Variants in KCNH1 observed in about 807,000 individuals in gnomAD.
KCNH1 encodes voltage-gated delayed rectifier potassium channel KCNH1.
In KCNH1, 27 loss-of-function variants were observed where a neutral mutation model predicts 69.2. The observed-to-expected ratio is 0.39, with a 90% CI of 0.29 to 0.54. The LOEUF is 0.54. Among genes scored for constraint, KCNH1 ranks in the 20% least tolerant of loss-of-function variants. The probability of loss-of-function intolerance (pLI) is 0.68; values close to 1 mark genes in which losing one functional copy is unlikely to be tolerated. For synonymous variants in KCNH1, 456 were observed against 487.7 expected, an observed-to-expected ratio of 0.93 and a Z score of 0.86; for missense variants, 798 against 1,261.6, an observed-to-expected ratio of 0.63 and a Z score of 5.57.
intron 8 of KCNH1, 64 bp from the exon 9 acceptor site, chr1:210,797,824 A>G: frequency 1.3e-6 from 2 of 1,560,098 alleles, no homozygotes; most frequent in Non-Finnish European, 1.7e-6. Flanking sequence ...CACATCCTTC[A>G]GCACTCTAGG....
At chr1:210,726,382 G>A (rs1682590581) in intron 10 of KCNH1, among the ~76,000 whole-genome samples, 1 of 152,202 alleles carries the variant, frequency 6.6e-6, no homozygotes, top group Non-Finnish European at 1.5e-5. Context: ...CCTCTCAGAT[G>A]CCTATAATAA....
intron 5 of KCNH1, among the ~76,000 whole-genome samples, chr1:211,028,042 A>G (rs1382833781): frequency 7.2e-5 from 11 of 152,204 alleles, no homozygotes; most frequent in Admixed American, 7.2e-4. Flanking sequence ...CACAGTTTTT[A>G]CAAGTGTACA....
intron 5 of KCNH1, among the ~76,000 whole-genome samples, chr1:211,081,431 C>A (rs1571631618): frequency 1.3e-5 from 2 of 152,294 alleles, no homozygotes; most frequent in Admixed American, 1.3e-4. Flanking sequence ...GGATCTAGAA[C>A]TAGAAATACC....
chr1:210,868,313 GT>G (rs962637658), intron 7 of KCNH1, among the ~76,000 whole-genome samples: 4 of 151,778 alleles, frequency 2.6e-5, no homozygotes, highest in South Asian at 2.1e-4. Context: ...AGTTGTATAA[GT>G]TTTTTTTAAT....
rs531159758 is a variant in KCNH1, at chr1:210,763,989, AC to A, written c.2112+11358del. Among the ~76,000 whole-genome samples the A allele has an allele frequency of 9.8e-5, 15 of 152,342 alleles. No homozygotes were observed. In the South Asian group the frequency reaches 3.1e-3, roughly 32 times the overall value. ...CAAAGTACATTACGAGGTTACAGTA[AC>A]AAAAACAGCATGGTACTGGTACAAA... On this transcript the variant is annotated intron_variant, in intron 10 of 10. Transcript: ENST00000271751.
intron 6 of KCNH1, among the ~76,000 whole-genome samples, chr1:211,004,142 A>T (rs1689237042): frequency 6.6e-6 from 1 of 152,124 alleles, no homozygotes; most frequent in East Asian, 1.9e-4. Context: ...ATCCAATCAC[A>T]CCAGTGCAAA....
chr1:210,737,010 T>C (rs917271808), intron 10 of KCNH1, among the ~76,000 whole-genome samples: 9 of 152,046 alleles, frequency 5.9e-5, no homozygotes, highest in African/African-American at 2.2e-4. Context: ...CTAAAGGAGG[T>C]TGTAGCTGCT....
chr1:210,701,781 C>T (rs12049204), intron 10 of KCNH1, among the ~76,000 whole-genome samples: 1 of 152,150 alleles, frequency 6.6e-6, no homozygotes, highest in Non-Finnish European at 1.5e-5. Context: ...GACATCGTTT[C>T]TGGGGCCATC....
intron 6 of KCNH1, among the ~76,000 whole-genome samples, chr1:210,935,179 C>T (rs1426558766): frequency 9.9e-6 from 1 of 101,142 alleles, no homozygotes; most frequent in African/African-American, 3.5e-5. Flanking sequence ...TAGTATTCAG[C>T]CATAAAAAAA....
Position 211,129,660 on chromosome 1 carries a change from C to T in KCNH1, c.79+4207G>A, listed in dbSNP as rs181919906. ...GTAATAATCCAGATTATCATCCATT[C>T]CCCCTTGTAGAGGCACAATGGATTT... is the stretch of plus-strand genomic sequence containing the variant. On this transcript the variant is annotated intron_variant, in intron 1 of 10. Coordinates refer to ENST00000271751, the MANE Select transcript of KCNH1 (RefSeq NM_172362.3). 2.6e-3 allele frequency among the ~76,000 whole-genome samples: 402 copies of T among 152,278 alleles called. 4 individuals are homozygous for T. The highest frequency in any genetic ancestry group is 2.3e-3 in the Non-Finnish European group (159 of 68,026).
intron 7 of KCNH1, chr1:210,861,607 T>C (rs968175651): frequency 3.9e-6 from 3 of 771,590 alleles, no homozygotes; most frequent in Non-Finnish European, 7.3e-6. Flanking sequence ...TCAGTTCCAG[T>C]GGTATAGAGT....
At chr1:210,789,381 T>C (rs1233484208) in intron 9 of KCNH1, among the ~76,000 whole-genome samples, 1 of 152,234 alleles carries the variant, frequency 6.6e-6, no homozygotes, top group Non-Finnish European at 1.5e-5. Context: ...AGATAAGCCA[T>C]TCTGTCTTCA....
At chr1:210,861,149 C>T (rs1442621106) in intron 7 of KCNH1, 23 of 899,880 alleles carry the variant, frequency 2.6e-5, no homozygotes, top group Admixed American at 1.0e-4. Flanking sequence ...AAACTTCATG[C>T]GTATATACTC....
intron 1 of KCNH1, among the ~76,000 whole-genome samples, chr1:211,108,217 C>T (rs1451250579): frequency 6.6e-6 from 1 of 152,162 alleles, no homozygotes; most frequent in Non-Finnish European, 1.5e-5. Context: ...ACTGTCCTTC[C>T]TTTCTTTTCA....
chr1:211,112,524 C>A (rs184959992), intron 1 of KCNH1, among the ~76,000 whole-genome samples: 8 of 130,738 alleles, frequency 6.1e-5, no homozygotes, highest in East Asian at 2.4e-4. Flanking sequence ...AAAAAAAAAA[C>A]AAGCCCACTA....
intron 5 of KCNH1, among the ~76,000 whole-genome samples, chr1:211,052,726 G>A (rs1690228626): frequency 1.3e-5 from 2 of 152,220 alleles, no homozygotes; most frequent in South Asian, 4.1e-4. Flanking sequence ...TTAGGACCAG[G>A]AAACTAAGGA....
chr1:211,072,252 G>C (rs1388643984), intron 5 of KCNH1, among the ~76,000 whole-genome samples: 2 of 152,160 alleles, frequency 1.3e-5, no homozygotes, highest in African/African-American at 4.8e-5. Flanking sequence ...CTCCAGCCTG[G>C]GCGGCAGAGG....
chr1:210,998,970 A>G (rs1689109958), intron 6 of KCNH1, among the ~76,000 whole-genome samples: 3 of 152,248 alleles, frequency 2.0e-5, no homozygotes, highest in African/African-American at 7.2e-5. Context: ...ACCGATGAGA[A>G]CAAAGACACA....
At chr1:210,989,664 T>C (rs12142251) in intron 6 of KCNH1, among the ~76,000 whole-genome samples, 8,922 of 152,284 alleles carry the variant, frequency 0.059, 333 homozygotes, top group East Asian at 0.18. Flanking sequence ...ATCTTGTGTG[T>C]AGCACTTCAA....
Sources: gnomAD v4.1 joint callset for allele counts (sites outside exome capture counted in the v4.1 genomes callset) on GRCh38, gnomAD v4.1.1 for gene constraint, MANE v1.5 for transcripts, NCBI Gene and HGNC (gene_info 2026-07-23, HGNC 2026-07-21) for gene names.